CCDC15: variants seen among roughly 807,000 people sequenced by gnomAD.
CCDC15 encodes coiled-coil domain containing 15.
In CCDC15, 105 loss-of-function variants were observed where a neutral mutation model predicts 114.5. The observed-to-expected ratio is 0.92, with a 90% CI of 0.78 to 1.08. The LOEUF (loss-of-function observed/expected upper bound fraction) is 1.08. Among genes scored for constraint, CCDC15 ranks in the 50% least tolerant of loss-of-function variants. The pLI, the probability that CCDC15 is intolerant of heterozygous loss-of-function variation, is 0.00. For synonymous variants in CCDC15, 334 were observed against 377.8 expected (o/e 0.88, Z 1.34); for missense variants, 1,105 against 1,093.6 (o/e 1.01, Z -0.15).
At chr11:125,014,923 T>C (rs1213838333) in intron 13 of CCDC15, among the ~76,000 whole-genome samples, 1 of 152,198 alleles carries the variant, frequency 6.6e-6, no homozygotes, top group African/African-American at 2.4e-5. Context: ...CCACAGTTCA[T>C]CTTACTTTTG....
chr11:124,986,937 G>T (rs1437826110), intron 7 of CCDC15, 49 bp downstream of exon 7: 1 of 1,485,788 alleles, frequency 6.7e-7, no homozygotes, highest in South Asian at 1.4e-5. Flanking sequence ...ACTAGGTATT[G>T]CCAGTAATGT....
At chr11:124,988,161 A>T (rs971060036) in intron 8 of CCDC15, 27 bp downstream of exon 8, 1 of 1,580,976 alleles carries the variant, frequency 6.3e-7, no homozygotes. Context: ...AGGAGATACA[A>T]AAAGAAGAAA....
At chr11:124,974,141 AT>A (rs917354013) in intron 4 of CCDC15, among the ~76,000 whole-genome samples, 37 of 151,878 alleles carry the variant, frequency 2.4e-4, no homozygotes, top group African/African-American at 8.9e-4. Flanking sequence ...TGCCCGGCTA[AT>A]TTTTTTATTT....
intron 4 of CCDC15, among the ~76,000 whole-genome samples, chr11:124,970,826 A>G (rs1202573636): frequency 6.6e-6 from 1 of 152,188 alleles, no homozygotes; most frequent in Non-Finnish European, 1.5e-5. Flanking sequence ...GATGCTTTAA[A>G]TTTTACTATC....
chr11:124,961,857 A>C (rs1275348509), intron 4 of CCDC15, among the ~76,000 whole-genome samples: 1 of 151,170 alleles, frequency 6.6e-6, no homozygotes. Context: ...CCACCCAAAC[A>C]AAAAAAAAGC....
At chr11:125,021,405 GC>G (rs762444860) in intron 13 of CCDC15, among the ~76,000 whole-genome samples, 3 of 151,630 alleles carry the variant, frequency 2.0e-5, no homozygotes, top group African/African-American at 2.4e-5. Flanking sequence ...TTTTCTAACT[GC>G]CCCCCAATAT....
At chr11:125,017,496 G>T (rs1434616178) in intron 13 of CCDC15, among the ~76,000 whole-genome samples, 1 of 152,136 alleles carries the variant, frequency 6.6e-6, no homozygotes, top group East Asian at 1.9e-4. Flanking sequence ...GGTGATGCTT[G>T]TGTAAACCTA....
Position 125,026,752 on chromosome 11 carries a change from T to C in CCDC15, c.2412-11679T>C, listed in dbSNP as rs553160738. Among the ~76,000 whole-genome samples the C allele has an allele frequency of 2.6e-5, 4 of 152,196 alleles. No individual in the cohort carries two copies. The South Asian group carries it at 8.3e-4, about 31-fold the overall frequency. ...ATTTATTCTTTAAATTTTATTTTAT[T>C]TCAATAGCTGTTGGGGAACAGATGG... is the stretch of plus-strand genomic sequence containing the variant. On this transcript the variant is annotated intron_variant, in intron 13 of 15. Transcript: ENST00000344762.
intron 11 of CCDC15, among the ~76,000 whole-genome samples, chr11:125,002,579 T>G (rs1328117417): frequency 6.6e-6 from 1 of 152,130 alleles, no homozygotes; most frequent in Admixed American, 6.6e-5. Context: ...TTGTGTGTAG[T>G]GTTAGGGAGC....
At chr11:124,994,678 T>C (rs1431688719) in intron 11 of CCDC15, among the ~76,000 whole-genome samples, 1 of 152,090 alleles carries the variant, frequency 6.6e-6, no homozygotes, top group South Asian at 2.1e-4. Context: ...AATAAACTAA[T>C]CAGGTTTGGG....
At chr11:124,962,698 T>C (rs1375194978) in intron 4 of CCDC15, among the ~76,000 whole-genome samples, 3 of 152,094 alleles carry the variant, frequency 2.0e-5, no homozygotes, top group Non-Finnish European at 4.4e-5. Context: ...GTGCACAACG[T>C]GCAGGTTTGT....
intron 13 of CCDC15, among the ~76,000 whole-genome samples, chr11:125,005,866 T>G (rs1948548041): frequency 6.6e-6 from 1 of 152,144 alleles, no homozygotes; most frequent in South Asian, 2.1e-4. Flanking sequence ...CATGTACGTT[T>G]CCTCTAATGC....
chr11:124,970,803 T>G (rs1430564169), intron 4 of CCDC15, among the ~76,000 whole-genome samples: 1 of 152,236 alleles, frequency 6.6e-6, no homozygotes, highest in Non-Finnish European at 1.5e-5. Flanking sequence ...AATTTTATCC[T>G]TCATATTTGC....
chr11:124,954,718 A>T lies in CCDC15; in HGVS notation c.-9-6A>T. ...AGATTTTAAGCTTTTTCTTTCTCCTAATCAGGAGTCACAGATGCTGGGAAG... is the reference window on the plus strand; with the variant it reads ...AGATTTTAAGCTTTTTCTTTCTCCTTATCAGGAGTCACAGATGCTGGGAAG... On this transcript the variant is annotated splice_region_variant and splice_polypyrimidine_tract_variant and intron_variant, in intron 1 of 15. Transcript: ENST00000344762. 6.2e-7 allele frequency: 1 copy of T among 1,612,948 alleles called. No individual in the cohort carries two copies. The highest frequency in any genetic ancestry group is 8.5e-7 in the Non-Finnish European group (1 of 1,179,250).
At chr11:125,029,371 G>A (rs759844169) in intron 13 of CCDC15, among the ~76,000 whole-genome samples, 1 of 152,044 alleles carries the variant, frequency 6.6e-6, no homozygotes, top group African/African-American at 2.4e-5. Context: ...ACATAAATAA[G>A]GTCATAATTA....
chr11:125,009,574 G>A (rs1364785463), intron 13 of CCDC15, among the ~76,000 whole-genome samples: 4 of 152,176 alleles, frequency 2.6e-5, no homozygotes, highest in Non-Finnish European at 5.9e-5. Flanking sequence ...GCGTGATGCT[G>A]AAGGTTGTGG....
chr11:124,966,449 G>A (rs879731676), intron 4 of CCDC15, among the ~76,000 whole-genome samples: 38 of 150,922 alleles, frequency 2.5e-4, no homozygotes, highest in Non-Finnish European at 4.6e-4. Context: ...CAGAGACTAG[G>A]ATTGCAACCC....
intron 13 of CCDC15, among the ~76,000 whole-genome samples, chr11:125,030,199 T>C (rs542156344): frequency 6.6e-6 from 1 of 152,286 alleles, no homozygotes; most frequent in South Asian, 2.1e-4. Context: ...GAATCCTGGC[T>C]ATGGGAGAAA....
At chr11:124,981,182 T>C (rs903210793) in intron 6 of CCDC15, among the ~76,000 whole-genome samples, 8 of 152,346 alleles carry the variant, frequency 5.3e-5, no homozygotes, top group African/African-American at 1.7e-4. Context: ...AGGATTGTTT[T>C]ATGGCTGATT....
Sources: allele counts gnomAD v4.1 joint callset (sites outside exome capture counted in the v4.1 genomes callset), GRCh38; gene constraint gnomAD v4.1.1; transcripts MANE v1.5; gene names NCBI Gene and HGNC (gene_info 2026-07-23, HGNC 2026-07-21).